C11orf65: variants seen among roughly 807,000 people sequenced by gnomAD.
C11orf65 encodes the protein protein MFI.
C11orf65 carries 38 observed loss-of-function variants against 35.3 expected under a neutral mutation model. The observed-to-expected ratio is 1.08, with a 90% CI of 0.83 to 1.41. C11orf65 has a LOEUF of 1.41. C11orf65 is among the 40% of genes most tolerant of loss of function. C11orf65 has a pLI of 0.00. For missense variants in C11orf65, 370 were observed against 367.1 expected (o/e 1.01, Z -0.06); for synonymous variants, 105 against 114.4 (o/e 0.92, Z 0.53).
chr11:108,425,435 A>G (rs1242906731), intron 3 of C11orf65, among the ~76,000 whole-genome samples: 1 of 152,228 alleles, frequency 6.6e-6, no homozygotes, highest in Non-Finnish European at 1.5e-5. Context: ...ACACCCTCCC[A>G]AGACTAAACC....
chr11:108,347,366 G>T lies in C11orf65; in HGVS notation c.227-12074C>A, dbSNP rs1555139694. 6.3e-7 allele frequency: 1 copy of T among 1,581,670 alleles called. No individual in the cohort carries two copies. The highest frequency in any genetic ancestry group is 1.1e-5 in the South Asian group (1 of 90,384). ...GCAGAACTTGTACATATAGATCTAG[G>T]TAAGTAATAAAATCTATGTATCTAT... On this transcript the variant is annotated intron_variant, in intron 2 of 3. Transcript: ENST00000524755.
At chr11:108,315,736 T>G in intron 6 of C11orf65, 1 of 916,948 alleles carries the variant, frequency 1.1e-6, no homozygotes. Flanking sequence ...GGGAGTTACA[T>G]ATTGGTAATG....
intron 3 of C11orf65, among the ~76,000 whole-genome samples, chr11:108,430,245 C>T (rs2092966738): frequency 6.7e-6 from 1 of 149,900 alleles, no homozygotes; most frequent in Non-Finnish European, 1.5e-5. Context: ...TCTCCTGCCT[C>T]AGCCTCCCGA....
At chr11:108,361,709 A>G (rs2090783257) in intron 2 of C11orf65, among the ~76,000 whole-genome samples, 3 of 151,672 alleles carry the variant, frequency 2.0e-5, no homozygotes, top group Admixed American at 2.0e-4. Flanking sequence ...AGGATTCCCT[A>G]TTTAATAAAT....
rs142791294 is a variant in C11orf65 at position 108,455,190 on chromosome 11, C to T, written c.81+6289G>A. On this transcript the variant is annotated intron_variant, in intron 2 of 8. Transcript: ENST00000393084. The stretch of plus-strand genomic sequence containing the variant: ...AAAGTTTCTTCTCTAAGATCAGGAA[C>T]ATGGATGCCCCTGCTTACTACTTGT... Among the ~76,000 whole-genome samples, 700 of 152,222 alleles carry T rather than the reference C, an allele frequency of 4.6e-3. 7 individuals are homozygous for T. Among genetic ancestry groups the T allele is most frequent in the African/African-American group, 0.016 (651 of 41,552 alleles).
intron 3 of C11orf65, among the ~76,000 whole-genome samples, chr11:108,413,367 A>G (rs1565665775): frequency 2.0e-5 from 3 of 151,930 alleles, no homozygotes; most frequent in South Asian, 2.1e-4. Context: ...CCAACTCTCC[A>G]CTGTCTATCA....
rs1458830615 is a variant in C11orf65 at position 108,408,733 on chromosome 11, T to C, written c.175-1584A>G. ...TAAAATAAAATAAAATAAAATAAAA[T>C]GATATAAGAATTGTATATAATAGGT... On this transcript the variant is annotated intron_variant, in intron 3 of 8. Coordinates refer to ENST00000393084, the MANE Select transcript of C11orf65 (RefSeq NM_152587.5). Among the ~76,000 whole-genome samples, 33 of 34,660 alleles carry C rather than the reference T, an allele frequency of 9.5e-4. 1 individual carries two copies. Among genetic ancestry groups the C allele is most frequent in the African/African-American group, 3.3e-3 (32 of 9,698 alleles). 22.7% of individuals were successfully genotyped at this position (34,660 alleles called of 152,430 possible).
At chr11:108,332,698 T>G in intron 3 of C11orf65, 1 of 1,538,336 alleles carries the variant, frequency 6.5e-7, no homozygotes. Flanking sequence ...TTTGTTTTTC[T>G]AACTCTGAGA....
intron 2 of C11orf65, chr11:108,365,239 G>T: frequency 1.2e-6 from 2 of 1,614,170 alleles, no homozygotes; most frequent in South Asian, 2.2e-5. Flanking sequence ...TTTTAAGAAG[G>T]TCCTGTTGTC....
intron 2 of C11orf65, among the ~76,000 whole-genome samples, chr11:108,372,682 T>A (rs2091604735): frequency 6.6e-6 from 1 of 152,154 alleles, no homozygotes. Context: ...AGAAAATAAT[T>A]GTGGTAAGTC....
intron 2 of C11orf65, among the ~76,000 whole-genome samples, chr11:108,374,622 A>G (rs1484262386): frequency 1.3e-5 from 2 of 152,256 alleles, no homozygotes; most frequent in Non-Finnish European, 2.9e-5. Flanking sequence ...CAGCAATGGA[A>G]CAAAGCTGGA....
At position 108,407,931 on chromosome 11, in the gene C11orf65, C is replaced by CA. The variant is rs1215650401; in HGVS notation, c.175-783dup. On this transcript the variant is annotated intron_variant, in intron 3 of 8. Transcript: ENST00000393084. ...TGGGCGACAGAGCAAGACTCTGTCT[C>CA]AAAAAAAAAAAAAAAAAAAAAGAAA... Among the ~76,000 whole-genome samples, 213 of 22,478 alleles carry CA rather than the reference C, an allele frequency of 9.5e-3. 5 individuals carry two copies. Among genetic ancestry groups the CA allele is most frequent in the Middle Eastern group, 0.026 (1 of 38 alleles). The allele number at this position is 22,478 out of a possible 152,430, so 14.7% of individuals were successfully genotyped here.
chr11:108,446,796 T>C (rs1360849623), intron 2 of C11orf65, among the ~76,000 whole-genome samples: 1 of 152,156 alleles, frequency 6.6e-6, no homozygotes, highest in African/African-American at 2.4e-5. Flanking sequence ...TAACTTTAAA[T>C]GTAAATGGGC....
At chr11:108,388,855 G>T (rs2092078989) in intron 7 of C11orf65, among the ~76,000 whole-genome samples, 1 of 152,338 alleles carries the variant, frequency 6.6e-6, no homozygotes, top group African/African-American at 2.4e-5. Context: ...CTGGATACAG[G>T]AATTTGCAAC....
chr11:108,335,301 C>G (rs1442737628), intron 2 of C11orf65: 11 of 1,496,922 alleles, frequency 7.3e-6, no homozygotes, highest in Non-Finnish European at 9.8e-6. Context: ...CTCTGAAAGA[C>G]AATCATTATT....
rs1800061 is a variant in C11orf65 at position 108,326,110 on chromosome 11, G to C, written c.641-17039C>G. 284 of 1,614,002 alleles carry C rather than the reference G, an allele frequency of 1.8e-4. 1 individual carries two copies. The highest frequency in any genetic ancestry group is 2.2e-4 in the Non-Finnish European group (264 of 1,180,022). ...AAACAGTACAATTCAGTTAGCTGTG[G>C]AGTCTCTGAGTGGCAGCTGGAAGAA... On this transcript the variant is annotated intron_variant, in intron 6 of 6. Coordinates refer to the C11orf65 transcript ENST00000525729.
intron 2 of C11orf65, among the ~76,000 whole-genome samples, chr11:108,448,661 A>G (rs1014037796): frequency 6.6e-6 from 1 of 152,194 alleles, no homozygotes; most frequent in Admixed American, 6.5e-5. Flanking sequence ...ATCTATGACA[A>G]TCCCACAGCC....
At chr11:108,442,826 C>T (rs1373387287) in intron 2 of C11orf65, among the ~76,000 whole-genome samples, 6 of 152,120 alleles carry the variant, frequency 3.9e-5, no homozygotes, top group African/African-American at 1.4e-4. Context: ...CTGAAGGAAG[C>T]ACTAAACATG....
intron 2 of C11orf65, chr11:108,366,225 T>G (rs976357639): frequency 5.1e-6 from 1 of 196,254 alleles, no homozygotes; most frequent in Non-Finnish European, 1.1e-5. Flanking sequence ...TGTCCATGTA[T>G]GTTATCTTTC....
Sources: allele counts gnomAD v4.1 joint callset (sites outside exome capture counted in the v4.1 genomes callset), GRCh38; gene constraint gnomAD v4.1.1; transcripts MANE v1.5; gene names NCBI Gene and HGNC (gene_info 2026-07-23, HGNC 2026-07-21).